DENND4C: variants seen among roughly 807,000 people sequenced by gnomAD.
The protein encoded by DENND4C is DENN domain containing 4C, also known as DENN domain-containing protein 4C.
Under a neutral mutation model 203.0 loss-of-function variants are expected in DENND4C, and 108 were observed. The observed-to-expected ratio is 0.53, with a 90% confidence interval of 0.46 to 0.62. The LOEUF (loss-of-function observed/expected upper bound fraction) is 0.62. Among genes scored for constraint, DENND4C ranks in the 20% least tolerant of loss-of-function variants. DENND4C has a pLI of 0.00. For missense variants in DENND4C, 2,481 were observed against 2,301.2 expected (o/e 1.08, Z -1.60); for synonymous variants, 871 against 792.4 (o/e 1.10, Z -1.67).
At chr9:19,257,578 G>GAA (rs148023672) in intron 1 of DENND4C, among the ~76,000 whole-genome samples, 4,468 of 152,072 alleles carry the variant, frequency 0.029, 213 homozygotes, top group African/African-American at 0.1. Flanking sequence ...AAAGAAATAT[G>GAA]AAACAGAAAA....
chr9:19,263,197 A>G lies in DENND4C; in HGVS notation c.-17-12961A>G, dbSNP rs547100914. Among the ~76,000 whole-genome samples the G allele has an allele frequency of 7.9e-5, 12 of 152,258 alleles. No individual in the cohort carries two copies. The South Asian group carries it at 1.0e-3, about 13-fold the overall frequency. ...TTTCAACATCAATTGAAATGATCAT[A>G]TGGTTTTTGTCTTTTATTCTGTTGA... On this transcript the variant is annotated intron_variant, in intron 1 of 32. Transcript: ENST00000434457.
At chr9:19,275,851 C>T (rs1354568523) in intron 1 of DENND4C, among the ~76,000 whole-genome samples, 2 of 152,212 alleles carry the variant, frequency 1.3e-5, no homozygotes, top group Non-Finnish European at 1.5e-5. Flanking sequence ...AGGTGATCCA[C>T]TTGCCTTGGC....
chr9:19,364,583 G>C (rs561999787), intron 30 of DENND4C, among the ~76,000 whole-genome samples: 4 of 152,332 alleles, frequency 2.6e-5, no homozygotes, highest in African/African-American at 9.6e-5. Context: ...CCCAGCTCCA[G>C]AGCAGTGGCT....
chr9:19,232,073 C>T (rs1323719178), intron 1 of DENND4C, among the ~76,000 whole-genome samples: 1 of 152,126 alleles, frequency 6.6e-6, no homozygotes, highest in Non-Finnish European at 1.5e-5. Flanking sequence ...CATCTTTGAA[C>T]ATTAAAGGTA....
intron 1 of DENND4C, among the ~76,000 whole-genome samples, chr9:19,254,923 A>G (rs1588751832): frequency 6.8e-6 from 1 of 146,396 alleles, no homozygotes; most frequent in Non-Finnish European, 1.5e-5. Context: ...TCTTGAGGTC[A>G]GGAGTTCAGG....
chr9:19,316,861 A>T (rs761778212), intron 12 of DENND4C, 22 bp downstream of exon 12: 1 of 1,571,964 alleles, frequency 6.4e-7, no homozygotes. Flanking sequence ...TGAAAGTACA[A>T]TTCCTTTTAT....
chr9:19,254,425 T>G (rs1827422882), intron 1 of DENND4C, among the ~76,000 whole-genome samples: 1 of 152,238 alleles, frequency 6.6e-6, no homozygotes, highest in Non-Finnish European at 1.5e-5. Flanking sequence ...AAGGAAATCC[T>G]GTCATTGGTG....
At chr9:19,351,008 C>T (rs1435962375) in intron 24 of DENND4C, 129 bp downstream of exon 24, 1 of 872,370 alleles carries the variant, frequency 1.1e-6, no homozygotes, top group Non-Finnish European at 1.7e-6. Flanking sequence ...AGCAATCTGC[C>T]TGCCTCGGCC....
chr9:19,267,197 A>G (rs897092745), intron 1 of DENND4C, among the ~76,000 whole-genome samples: 1 of 152,208 alleles, frequency 6.6e-6, no homozygotes, highest in African/African-American at 2.4e-5. Context: ...TCCAGTGCTG[A>G]AAGTGGGATG....
intron 16 of DENND4C, among the ~76,000 whole-genome samples, chr9:19,331,123 C>T (rs774760314): frequency 1.4e-4 from 21 of 151,972 alleles, no homozygotes; most frequent in Non-Finnish European, 4.4e-5. Context: ...TTCTCTTCTA[C>T]CTAAATCTGA....
intron 1 of DENND4C, among the ~76,000 whole-genome samples, chr9:19,250,972 T>C (rs957544761): frequency 6.6e-6 from 1 of 152,194 alleles, no homozygotes; most frequent in African/African-American, 2.4e-5. Context: ...GGATCTACTA[T>C]TCTGGGGTAT....
intron 1 of DENND4C, among the ~76,000 whole-genome samples, chr9:19,243,017 A>G (rs372496390): frequency 5.9e-5 from 9 of 152,226 alleles, no homozygotes; most frequent in South Asian, 2.1e-4. Flanking sequence ...AAATTCACCA[A>G]TTTAAAGGGG....
intron 6 of DENND4C, 88 bp downstream of exon 6, chr9:19,296,334 G>T: frequency 1.1e-6 from 1 of 886,136 alleles, no homozygotes; most frequent in South Asian, 1.7e-5. Context: ...CAGCAAAGTT[G>T]GAAGGGAAGG....
At chr9:19,321,392 C>T (rs1475163108) in intron 12 of DENND4C, among the ~76,000 whole-genome samples, 1 of 151,796 alleles carries the variant, frequency 6.6e-6, no homozygotes. Context: ...GAGGTTTTTG[C>T]CTTTAACAAC....
chr9:19,368,351 G>A (rs1296152581), intron 30 of DENND4C, among the ~76,000 whole-genome samples: 2 of 147,274 alleles, frequency 1.4e-5, no homozygotes, highest in Non-Finnish European at 3.0e-5. Flanking sequence ...ATAATTAAAT[G>A]TATAATGAAA....
At position 19,332,139 on chromosome 9, in the gene DENND4C, T is replaced by C. The variant is rs1819360839; in HGVS notation, c.2415T>C (p.Asp805=). 6.2e-7 allele frequency: 1 copy of C among 1,613,928 alleles called. No individual in the cohort carries two copies. The highest frequency in any genetic ancestry group is 1.3e-5 in the African/African-American group (1 of 74,918). The change falls in exon 17 of 33, where the codon GAT becomes GAC. Residue 805 remains aspartate, a synonymous_variant. Transcript: ENST00000434457. Reference sequence around the variant, plus strand: ...TCAGAGCACTTCAGCAGGCATATGATGTACTTATTAAGATGAGGAAAACAG... The same window carrying C: ...TCAGAGCACTTCAGCAGGCATATGACGTACTTATTAAGATGAGGAAAACAG... The part of the protein sequence containing the change: ...PKVRALQQAY[D]VLIKMRKTDV...
intron 28 of DENND4C, among the ~76,000 whole-genome samples, chr9:19,359,066 C>T (rs1018627936): frequency 6.6e-6 from 1 of 151,710 alleles, no homozygotes; most frequent in Non-Finnish European, 1.5e-5. Flanking sequence ...CCCTATGTCT[C>T]TGTTAGATTT....
intron 1 of DENND4C, among the ~76,000 whole-genome samples, chr9:19,246,301 G>A (rs1013431101): frequency 1.6e-4 from 25 of 152,204 alleles, no homozygotes; most frequent in African/African-American, 5.5e-4. Flanking sequence ...ACGCTAGCTC[G>A]TCTCACTTTA....
intron 30 of DENND4C, among the ~76,000 whole-genome samples, chr9:19,363,918 G>A (rs1827060239): frequency 6.6e-6 from 1 of 152,134 alleles, no homozygotes; most frequent in Admixed American, 6.5e-5. Context: ...GGAGGCTGAG[G>A]CAGGAGAATT....
Sources: gnomAD v4.1 joint callset for allele counts (sites outside exome capture counted in the v4.1 genomes callset) on GRCh38, gnomAD v4.1.1 for gene constraint, MANE v1.5 for transcripts, NCBI Gene and HGNC (gene_info 2026-07-23, HGNC 2026-07-21) for gene names.